The following NLN variants were observed in gnomAD, a reference collection of about 807,000 sequenced individuals.
NLN encodes neurolysin, mitochondrial.
NLN carries 64 observed loss-of-function variants against 79.9 expected under a neutral mutation model. The observed-to-expected ratio is 0.80, with a 90% CI of 0.65 to 0.99. NLN has a LOEUF of 0.99. Ranked by LOEUF, NLN falls within the 50% of genes least tolerant of loss-of-function variation. The probability of loss-of-function intolerance (pLI) is 0.00; values close to 1 mark genes in which losing one functional copy is unlikely to be tolerated. For synonymous variants in NLN, 267 were observed against 296.6 expected (o/e 0.90, Z 1.02); for missense variants, 835 against 858.7 (o/e 0.97, Z 0.34).
intron 1 of NLN, among the ~76,000 whole-genome samples, chr5:65,734,964 A>G (rs1311511889): frequency 6.6e-6 from 1 of 152,232 alleles, no homozygotes; most frequent in Non-Finnish European, 1.5e-5. Context: ...ATGATATTAG[A>G]TTCCAACTAC....
intron 3 of NLN, among the ~76,000 whole-genome samples, chr5:65,768,523 T>C (rs1403531637): frequency 2.0e-5 from 3 of 152,242 alleles, no homozygotes; most frequent in Non-Finnish European, 4.4e-5. Flanking sequence ...AAGATGAGAT[T>C]TGGTTGGGCC....
intron 9 of NLN, among the ~76,000 whole-genome samples, chr5:65,796,955 A>G (rs1342649504): frequency 1.3e-5 from 2 of 152,230 alleles, no homozygotes; most frequent in Non-Finnish European, 2.9e-5. Flanking sequence ...TTGTCATCGT[A>G]ATATTTAAAC....
In NLN at chr5:65,825,968, C is replaced by T. The variant is rs1230507351; in HGVS notation, c.*3053C>T. On this transcript the variant is annotated 3_prime_UTR_variant, in exon 13 of 13. Transcript: ENST00000380985. Reference sequence around the variant, plus strand: ...TTTACATTAAAATACCATCATACTTCAGGCTTCTATAACAAAATATCAGAC... The same window carrying T: ...TTTACATTAAAATACCATCATACTTTAGGCTTCTATAACAAAATATCAGAC... 1 of 152,170 alleles carries T rather than the reference C, an allele frequency of 6.6e-6. No individual in the cohort carries two copies. The highest frequency in any genetic ancestry group is 2.4e-5 in the African/African-American group (1 of 41,448). The allele number at this position is 152,170 out of a possible 1,614,324, so 9.4% of individuals were successfully genotyped here.
chr5:65,802,652 C>T (rs1039585976), intron 9 of NLN, among the ~76,000 whole-genome samples: 8 of 152,180 alleles, frequency 5.3e-5, no homozygotes, highest in African/African-American at 1.9e-4. Flanking sequence ...AGGAGGTATA[C>T]GAACAAGTGG....
At position 65,792,751 on chromosome 5, in the gene NLN, G is replaced by A. The variant is rs759708246; in HGVS notation, c.1527+96G>A. The A allele has an allele frequency of 2.9e-6, 3 of 1,036,022 alleles. No individual in the cohort carries two copies. In the South Asian group the frequency reaches 3.8e-5, roughly 13 times the overall value. 64.2% of individuals were successfully genotyped at this position (1,036,022 alleles called of 1,614,324 possible). ...TTTCTGCTCCTAACAGGTTTTTTCAGAAGCTGAATGTGTTCAAGAATTTTA... is the reference window on the plus strand; with the variant it reads ...TTTCTGCTCCTAACAGGTTTTTTCAAAAGCTGAATGTGTTCAAGAATTTTA... On this transcript the variant is annotated intron_variant, in intron 9 of 12. Transcript: ENST00000380985.
chr5:65,758,204 C>T (rs1287980028), intron 1 of NLN, among the ~76,000 whole-genome samples: 1 of 151,920 alleles, frequency 6.6e-6, no homozygotes, highest in African/African-American at 2.4e-5. Flanking sequence ...TCACTGCACT[C>T]CAGCGTGGGC....
At chr5:65,791,159 TG>T (rs1483092279) in intron 8 of NLN, among the ~76,000 whole-genome samples, 1 of 152,194 alleles carries the variant, frequency 6.6e-6, no homozygotes, top group Non-Finnish European at 1.5e-5. Flanking sequence ...CTGGGTGCAG[TG>T]GCTGTAATCC....
chr5:65,787,612 T>G (rs970607446), intron 7 of NLN, among the ~76,000 whole-genome samples: 1 of 152,220 alleles, frequency 6.6e-6, no homozygotes, highest in African/African-American at 2.4e-5. Flanking sequence ...GGAATTGCTG[T>G]GTCCAGATAA....
chr5:65,785,667 T>A, intron 6 of NLN, 108 bp from the exon 7 acceptor site: 1 of 831,452 alleles, frequency 1.2e-6, no homozygotes, highest in South Asian at 2.4e-5. Context: ...GGTCTAAAAA[T>A]ATTTGATAAT....
At chr5:65,751,167 G>T (rs1038214728) in intron 1 of NLN, among the ~76,000 whole-genome samples, 7 of 152,088 alleles carry the variant, frequency 4.6e-5, no homozygotes, top group African/African-American at 1.7e-4. Flanking sequence ...TCAAAGAATT[G>T]GGACAAATTT....
intron 3 of NLN, among the ~76,000 whole-genome samples, chr5:65,772,520 C>A (rs1343236602): frequency 6.6e-6 from 1 of 152,174 alleles, no homozygotes. Context: ...GTGCAGACAA[C>A]TACCTAAGAA....
chr5:65,781,327 T>G lies in NLN; in HGVS notation c.728T>G (p.Leu243Ter). Residue 243 changes from leucine (L) to a stop codon, truncating the protein, a stop_gained, in exon 6 of 13, where the codon TTA becomes TGA. Transcript: ENST00000380985. LOFTEE classifies it high-confidence loss of function. The stretch of plus-strand genomic sequence containing the variant: ...GATGATGACAAGTATAAAATTACCT[T>G]AAAATATCCACACTATTTCCCTGTC... Reference protein sequence around the residue: ...KTDDDKYKITLKYPHYFPVMK... With the variant: ...KTDDDKYKIT The G allele has an allele frequency of 6.2e-7, 1 of 1,601,388 alleles. No homozygotes were observed. The highest frequency in any genetic ancestry group is 1.1e-5 in the South Asian group (1 of 90,796).
At chr5:65,775,195 C>T (rs74798713) in intron 3 of NLN, among the ~76,000 whole-genome samples, 240 of 152,280 alleles carry the variant, frequency 1.6e-3, no homozygotes, top group Middle Eastern at 3.4e-3. Flanking sequence ...GAAAGAGCAG[C>T]CCTGCTACAT....
rs559695025 is a variant in NLN, at chr5:65,828,868, C to A, written c.*5953C>A. 2 of 152,186 alleles carry A rather than the reference C, an allele frequency of 1.3e-5. No homozygotes were observed. The highest frequency in any genetic ancestry group is 4.8e-5 in the African/African-American group (2 of 41,458). The allele number at this position is 152,186 out of a possible 1,614,324, so 9.4% of individuals were successfully genotyped here. On this transcript the variant is annotated 3_prime_UTR_variant, in exon 13 of 13. Coordinates refer to ENST00000380985, the MANE Select transcript of NLN (RefSeq NM_020726.5). ...CTGGCATTCAGATGATTGCGGCTCCCCCATACTGTAGGAATATTGTTTATG... is the reference window on the plus strand; with the variant it reads ...CTGGCATTCAGATGATTGCGGCTCCACCATACTGTAGGAATATTGTTTATG...
At chr5:65,804,993 ATTC>A (rs1760380421) in intron 9 of NLN, among the ~76,000 whole-genome samples, 1 of 152,134 alleles carries the variant, frequency 6.6e-6, no homozygotes, top group Admixed American at 6.5e-5. Context: ...CATTTTTGTA[ATTC>A]TCACAGTATT....
intron 1 of NLN, among the ~76,000 whole-genome samples, chr5:65,741,409 AT>A (rs1341349658): frequency 6.6e-6 from 1 of 152,200 alleles, no homozygotes; most frequent in East Asian, 1.9e-4. Context: ...CGTAAAAATA[AT>A]TAACACTTAT....
intron 1 of NLN, among the ~76,000 whole-genome samples, chr5:65,739,605 G>A (rs1407296904): frequency 6.6e-6 from 1 of 152,100 alleles, no homozygotes; most frequent in East Asian, 1.9e-4. Flanking sequence ...TTTCCATAAT[G>A]GCTGTATGAA....
intron 12 of NLN, among the ~76,000 whole-genome samples, chr5:65,813,555 C>G (rs1475192387): frequency 6.6e-6 from 1 of 152,020 alleles, no homozygotes; most frequent in Non-Finnish European, 1.5e-5. Flanking sequence ...AACTCCATTC[C>G]CCTTATTGAT....
At chr5:65,744,294 G>A (rs1438409614) in intron 1 of NLN, among the ~76,000 whole-genome samples, 6 of 152,092 alleles carry the variant, frequency 3.9e-5, no homozygotes, top group South Asian at 4.2e-4. Flanking sequence ...CACCACACCC[G>A]GCCTGCTACC....
Sources: gnomAD v4.1 joint callset for allele counts (sites outside exome capture counted in the v4.1 genomes callset) on GRCh38, gnomAD v4.1.1 for gene constraint, MANE v1.5 for transcripts, NCBI Gene and HGNC (gene_info 2026-07-23, HGNC 2026-07-21) for gene names.